The following C5AR2 variants were observed in gnomAD, a reference collection of about 807,000 sequenced individuals.
C5AR2 encodes C5a anaphylatoxin chemotactic receptor 2.
For synonymous variants in C5AR2, 224 were observed against 216.5 expected (o/e 1.03, Z -0.30); for missense variants, 458 against 467.5 (o/e 0.98, Z 0.19).
rs918665415 is a variant in C5AR2 at position 47,342,526 on chromosome 19, G to C, written c.*713G>C. ...GCCTCCTGAGTAGCTGGGACTACAGGCGCCCGCCACCATGCCCAGCTAATT... is the reference window on the plus strand; with the variant it reads ...GCCTCCTGAGTAGCTGGGACTACAGCCGCCCGCCACCATGCCCAGCTAATT... On this transcript the variant is annotated 3_prime_UTR_variant, in exon 2 of 2. Coordinates refer to ENST00000595464, the MANE Select transcript of C5AR2 (RefSeq NM_001271749.2). 2 of 151,430 alleles carry C rather than the reference G, an allele frequency of 1.3e-5. No homozygotes were observed. The highest frequency in any genetic ancestry group is 4.0e-4 in the East Asian group (2 of 5,026). 9.4% of individuals were successfully genotyped at this position (151,430 alleles called of 1,614,324 possible). A position where few individuals can be genotyped will look rare whatever the true frequency, so the allele number is the denominator to read the frequency against.
At chr19:47,338,228 T>C (rs893633858) in intron 1 of C5AR2, among the ~76,000 whole-genome samples, 4 of 151,260 alleles carry the variant, frequency 2.6e-5, no homozygotes, top group Middle Eastern at 3.5e-3. Context: ...TGAGCCGTGA[T>C]TGCACCACTG....
Position 47,341,358 on chromosome 19 carries a change from G to A in C5AR2, c.559G>A (p.Val187Met). The A allele has an allele frequency of 6.2e-7, 1 of 1,612,502 alleles. No individual in the cohort carries two copies. Among genetic ancestry groups the A allele is most frequent in the South Asian group, 1.1e-5 (1 of 91,084 alleles). Reference protein sequence around the residue: ...QEHFPARLQCVVDYGGSSSTE... With the variant: ...QEHFPARLQCMVDYGGSSSTE... ...GCACTTCCCAGCCCGGCTGCAGTGT[G>A]TGGTGGACTACGGCGGCTCCTCCAG... Residue 187 changes from valine (V) to methionine (M), a missense_variant, in exon 2 of 2, where the codon GTG (valine) becomes ATG (methionine). Transcript: ENST00000595464. The surrounding 1 kb of genome is among the most constrained non-coding windows in gnomAD (Gnocchi z 4.6).
At chr19:47,332,441 C>T (rs561196331) in intron 1 of C5AR2, 92 bp downstream of exon 1, 5 of 152,334 alleles carry the variant, frequency 3.3e-5, no homozygotes, top group African/African-American at 1.2e-4. Context: ...ATCTGGGAAG[C>T]AGAACTAGAG....
In C5AR2 at chr19:47,340,930, C is replaced by T. The variant is rs1969006703; in HGVS notation, c.131C>T (p.Ala44Val). Reference sequence around the variant, plus strand: ...GTGGCCCCGCTCCCACTGTATGCCGCCATCTTCCTGGTGGGGGTGCCGGGC... The same window carrying T: ...GTGGCCCCGCTCCCACTGTATGCCGTCATCTTCCTGGTGGGGGTGCCGGGC... ...LRVAPLPLYA[A>V]IFLVGVPGNA... The change falls in exon 2 of 2, where the codon GCC becomes GTC. Residue 44 changes from alanine (A) to valine (V), a missense_variant. By Grantham distance (64) the Ala-to-Val change is moderately conservative (BLOSUM62 0). Transcript: ENST00000595464. The T allele has an allele frequency of 8.1e-6, 13 of 1,612,342 alleles. No homozygotes were observed. Among genetic ancestry groups the T allele is most frequent in the Non-Finnish European group, 1.1e-5 (13 of 1,179,942 alleles).
At position 47,343,187 on chromosome 19, in the gene C5AR2, C is replaced by T. The variant is rs781635746; in HGVS notation, c.*1374C>T. The T allele has an allele frequency of 2.0e-5, 3 of 152,028 alleles. No homozygotes were observed. The highest frequency in any genetic ancestry group is 4.4e-5 in the Non-Finnish European group (3 of 68,014). 9.4% of individuals were successfully genotyped at this position (152,028 alleles called of 1,614,324 possible). ...ACAACGGAAGCAGATGTCATAGTGA[C>T]GTGAGGAGGTGCCAAGAAATGCAGG... On this transcript the variant is annotated 3_prime_UTR_variant, in exon 2 of 2. Transcript: ENST00000595464.
rs1379881553 is a variant in C5AR2, at chr19:47,342,232, G to C, written c.*419G>C. On this transcript the variant is annotated 3_prime_UTR_variant, in exon 2 of 2. Transcript: ENST00000595464. ...TAGCCGGGCATGGTGGCGCATGCCT[G>C]TAGTCCCAGCTACTTGGGAGGCTGA... 6.3e-6 allele frequency: 1 copy of C among 159,986 alleles called. No individual in the cohort carries two copies. The highest frequency in any genetic ancestry group is 1.4e-5 in the Non-Finnish European group (1 of 72,216). 9.9% of individuals were successfully genotyped at this position (159,986 alleles called of 1,614,324 possible).
Position 47,342,379 on chromosome 19 carries a change from C to A in C5AR2, c.*566C>A, listed in dbSNP as rs912655472. The A allele has an allele frequency of 6.8e-6, 1 of 146,998 alleles. No homozygotes were observed. The highest frequency in any genetic ancestry group is 1.5e-5 in the Non-Finnish European group (1 of 65,696). 9.1% of individuals were successfully genotyped at this position (146,998 alleles called of 1,614,324 possible). ...TCAAAAAATAAATAAATAAAAGATT[C>A]TATTTATTTATTTATTTTTTTGAGA... is the stretch of plus-strand genomic sequence containing the variant. On this transcript the variant is annotated 3_prime_UTR_variant, in exon 2 of 2. Coordinates refer to ENST00000595464, the MANE Select transcript of C5AR2 (RefSeq NM_001271749.2).
chr19:47,333,584 C>CTTTTTT (rs34383862), intron 1 of C5AR2, among the ~76,000 whole-genome samples: 1 of 124,446 alleles, frequency 8.0e-6, no homozygotes, highest in African/African-American at 3.2e-5. Flanking sequence ...GTTCAGACTC[C>CTTTTTT]TTTTTTTTTT....
chr19:47,341,235 C>A lies in C5AR2; in HGVS notation c.436C>A (p.Gln146Lys). Residue 146 changes from glutamine (Q) to lysine (K), a missense_variant, in exon 2 of 2, where the codon CAG becomes AAG. By Grantham distance (53) the Gln-to-Lys change is moderately conservative. Coordinates refer to ENST00000595464, the MANE Select transcript of C5AR2 (RefSeq NM_001271749.2). The surrounding 1 kb of genome is among the most constrained non-coding windows in gnomAD (Gnocchi z 4.6). The part of the protein sequence containing the change: ...ALGPAWWSTV[Q>K]RACGVQVACG... ...CGGGCCTGCCTGGTGGTCTACGGTT[C>A]AGCGGGCGTGCGGGGTGCAGGTGGC... 1 of 1,602,068 alleles carries A rather than the reference C, an allele frequency of 6.2e-7. No individual in the cohort carries two copies. The highest frequency in any genetic ancestry group is 8.5e-7 in the Non-Finnish European group (1 of 1,179,868).
rs141780251 is a variant in C5AR2 at position 47,341,753 on chromosome 19, C to T, written c.954C>T (p.Asp318=). The T allele has an allele frequency of 2.5e-5, 41 of 1,613,494 alleles. No individual in the cohort carries two copies. Among genetic ancestry groups the T allele is most frequent in the African/African-American group, 1.1e-4 (8 of 74,910 alleles). Reference sequence around the variant, plus strand: ...CCCTGAGGGAGTCCCAGGGCCAGGACGAAAGTGTGGACAGCAAGAAATCCA... The same window carrying T: ...CCCTGAGGGAGTCCCAGGGCCAGGATGAAAGTGTGGACAGCAAGAAATCCA... ...HWALRESQGQ[D]ESVDSKKSTS... is the part of the protein sequence containing the mutation. The change falls in exon 2 of 2, where the codon GAC becomes GAT. Residue 318 remains aspartate (D), a synonymous_variant. Transcript: ENST00000595464. The surrounding 1 kb of genome is among the most constrained non-coding windows in gnomAD (Gnocchi z 4.6).
rs745516749 is a variant in C5AR2 at position 47,341,150 on chromosome 19, C to T, written c.351C>T (p.Thr117=). 4 of 1,601,404 alleles carry T rather than the reference C, an allele frequency of 2.5e-6. No homozygotes were observed. The highest frequency in any genetic ancestry group is 3.4e-6 in the Non-Finnish European group (4 of 1,179,892). ...CGCTGCCCTCCATCATCCTGCTGAC[C>T]ATGTATGCCAGCGTCCTGCTCCTGG... ...CRALPSIILL[T]MYASVLLLAA... is the part of the protein sequence containing the mutation. Residue 117 remains threonine (T), a synonymous_variant, in exon 2 of 2, where the codon ACC becomes ACT. Coordinates refer to ENST00000595464, the MANE Select transcript of C5AR2 (RefSeq NM_001271749.2). This position sits in a 1 kb window ranked among gnomAD's most constrained non-coding sequence, Gnocchi z 4.6.
intron 1 of C5AR2, among the ~76,000 whole-genome samples, chr19:47,338,151 C>G (rs1372847815): frequency 6.6e-6 from 1 of 152,144 alleles, no homozygotes; most frequent in East Asian, 1.9e-4. Flanking sequence ...TGGCCACTGC[C>G]TGTAGTCCCA....
chr19:47,341,029 C>T lies in C5AR2; in HGVS notation c.230C>T (p.Ala77Val). Residue 77 changes from alanine to valine, a missense_variant, in exon 2 of 2, where the codon GCC (alanine) becomes GTC (valine). By Grantham distance (64) the Ala-to-Val change is moderately conservative. Coordinates refer to ENST00000595464, the MANE Select transcript of C5AR2 (RefSeq NM_001271749.2). This position sits in a 1 kb window ranked among gnomAD's most constrained non-coding sequence, Gnocchi z 4.6. The stretch of plus-strand genomic sequence containing the variant: ...GGTGCCACCTGGTTGCTCCACCTGG[C>T]CGTGGCGGATTTGCTGTGCTGTTTG... The part of the protein sequence containing the change: ...RVGATWLLHL[A>V]VADLLCCLSL... 6.2e-7 allele frequency: 1 copy of T among 1,607,952 alleles called. No individual in the cohort carries two copies. Among genetic ancestry groups the T allele is most frequent in the Non-Finnish European group, 8.5e-7 (1 of 1,179,930 alleles).
rs1033005598 is a variant in C5AR2 at position 47,345,138 on chromosome 19, C to T, written c.*3325C>T. 6.5e-6 allele frequency: 1 copy of T among 152,868 alleles called. No homozygotes were observed. The highest frequency in any genetic ancestry group is 1.5e-5 in the Non-Finnish European group (1 of 68,642). 9.5% of individuals were successfully genotyped at this position (152,868 alleles called of 1,614,324 possible). On this transcript the variant is annotated 3_prime_UTR_variant, in exon 2 of 2. Coordinates refer to ENST00000595464, the MANE Select transcript of C5AR2 (RefSeq NM_001271749.2). ...CCCATAGGTCTCAGCCTTATTTCAC[C>T]CAGCTCCTGTTCAAGATGGAGTCAC...
At chr19:47,332,519 C>G (rs79050500) in intron 1 of C5AR2, among the ~76,000 whole-genome samples, 170 bp downstream of exon 1, 2 of 152,196 alleles carry the variant, frequency 1.3e-5, no homozygotes, top group African/African-American at 4.8e-5. Context: ...CTTGAATTAA[C>G]TTGGGCAGCC....
chr19:47,336,100 G>GT (rs1158083835), intron 1 of C5AR2, among the ~76,000 whole-genome samples: 1 of 151,954 alleles, frequency 6.6e-6, no homozygotes, highest in Admixed American at 6.6e-5. Context: ...TTGTTTGTTT[G>GT]TTTTTTATGA....
Position 47,342,916 on chromosome 19 carries a change from C to T in C5AR2, c.*1103C>T, listed in dbSNP as rs1052203259. ...TTCAAGGCTTCTCTCCACCACTGGA[C>T]ACACTTACTCTCTAGCTTCTCAGAC... On this transcript the variant is annotated 3_prime_UTR_variant, in exon 2 of 2. Coordinates refer to ENST00000595464, the MANE Select transcript of C5AR2 (RefSeq NM_001271749.2). The T allele has an allele frequency of 3.9e-5, 6 of 152,276 alleles. No individual in the cohort carries two copies. The highest frequency in any genetic ancestry group is 1.4e-4 in the African/African-American group (6 of 41,456). 9.4% of individuals were successfully genotyped at this position (152,276 alleles called of 1,614,324 possible). A position where few individuals can be genotyped will look rare whatever the true frequency, so the allele number is the denominator to read the frequency against.
rs1360598718 is a variant in C5AR2 at position 47,340,815 on chromosome 19, G to C, written c.16G>C (p.Val6Leu). The change falls in exon 2 of 2, where the codon GTC becomes CTC. Residue 6 changes from valine (V) to leucine (L), a missense_variant. By Grantham distance (32) the Val-to-Leu change is conservative. Coordinates refer to ENST00000595464, the MANE Select transcript of C5AR2 (RefSeq NM_001271749.2). Reference protein sequence around the residue: MGNDSVSYEYGDYSDL... With the variant: MGNDSLSYEYGDYSDL... ...AGGAGCCTGAATGGGGAACGATTCT[G>C]TCAGCTACGAGTATGGGGATTACAG... is the stretch of plus-strand genomic sequence containing the variant. 3 of 1,613,530 alleles carry C rather than the reference G, an allele frequency of 1.9e-6. No homozygotes were observed. The highest frequency in any genetic ancestry group is 1.1e-5 in the South Asian group (1 of 91,086).
At position 47,341,860 on chromosome 19, in the gene C5AR2, G is replaced by C. The variant is rs551522151; in HGVS notation, c.*47G>C. 7 of 1,562,814 alleles carry C rather than the reference G, an allele frequency of 4.5e-6. No homozygotes were observed. The highest frequency in any genetic ancestry group is 6.1e-6 in the Non-Finnish European group (7 of 1,140,008). On this transcript the variant is annotated 3_prime_UTR_variant, in exon 2 of 2. Transcript: ENST00000595464. The surrounding 1 kb of genome is among the most constrained non-coding windows in gnomAD (Gnocchi z 4.6). ...TGTATCTTCTTATCTCATTTCACAA[G>C]ACTGGCTTCAGGCATAGCTGGATCC...
Sources: allele counts gnomAD v4.1 joint callset (sites outside exome capture counted in the v4.1 genomes callset), GRCh38; gene constraint gnomAD v4.1.1; non-coding constraint Gnocchi (gnomAD v3.1); transcripts MANE v1.5; gene names NCBI Gene and HGNC (gene_info 2026-07-23, HGNC 2026-07-21).